The following PLA2G15 variants were observed in gnomAD, a reference collection of about 807,000 sequenced individuals.
PLA2G15 encodes the protein lysosomal phospholipase A and acyltransferase.
In PLA2G15, 20 loss-of-function variants were observed where a neutral mutation model predicts 40.9. The ratio of observed to expected loss-of-function variants is 0.49; its 90% CI spans 0.34 to 0.71. PLA2G15 has a LOEUF of 0.71. PLA2G15 is among the 30% of genes least tolerant of loss of function. The pLI is 0.01. For missense variants in PLA2G15, 471 were observed against 541.9 expected (o/e 0.87, Z 1.30); for synonymous variants, 223 against 228.2 (o/e 0.98, Z 0.21).
chr16:68,252,736 GGCAGGAGGATC>G, intron 2 of PLA2G15: 1 of 391,798 alleles, frequency 2.6e-6, no homozygotes. Context: ...GGGAGGCTAA[GGCAGGAGGATC>G]GCTTGAGCCC....
intron 2 of PLA2G15, among the ~76,000 whole-genome samples, chr16:68,249,781 C>T (rs996302851): frequency 3.3e-5 from 5 of 152,288 alleles, no homozygotes; most frequent in African/African-American, 4.8e-5. Flanking sequence ...CAGGTTCAAG[C>T]GATTCTTGTG....
At chr16:68,254,311 T>TTTTATTTATTTATTTA (rs148836384) in intron 2 of PLA2G15, 12 of 139,670 alleles carry the variant, frequency 8.6e-5, no homozygotes, top group South Asian at 4.7e-4. Flanking sequence ...TGCTTTTTAT[T>TTTTATTTATTTATTTA]TTTATTTATT....
chr16:68,254,314 TA>T (rs2042382306), intron 2 of PLA2G15: 7 of 124,730 alleles, frequency 5.6e-5, no homozygotes, highest in East Asian at 2.0e-4. Context: ...TTTTTATTTT[TA>T]TTTATTTATT....
chr16:68,251,031 G>A (rs192633139), intron 2 of PLA2G15, among the ~76,000 whole-genome samples: 1 of 152,040 alleles, frequency 6.6e-6, no homozygotes, highest in African/African-American at 2.4e-5. Context: ...CACAGGCACT[G>A]TACATTTTAT....
chr16:68,256,856 C>T (rs538175282), intron 5 of PLA2G15, among the ~76,000 whole-genome samples: 9 of 151,628 alleles, frequency 5.9e-5, no homozygotes, highest in Non-Finnish European at 1.0e-4. Context: ...CCACCTTCAC[C>T]GCAGAGGAGG....
intron 2 of PLA2G15, chr16:68,253,556 G>A (rs990496057): frequency 8.3e-6 from 3 of 360,668 alleles, no homozygotes; most frequent in South Asian, 4.1e-5. Context: ...TGTGTTTTTA[G>A]TAGAGATGGG....
At chr16:68,249,532 C>T (rs2042337072) in intron 2 of PLA2G15, 86 bp downstream of exon 2, 9 of 1,288,614 alleles carry the variant, frequency 7.0e-6, no homozygotes, top group South Asian at 2.5e-5. Context: ...ATCCTCATCT[C>T]GAGGTCACTG....
chr16:68,256,191 T>C, intron 5 of PLA2G15: 1 of 537,294 alleles, frequency 1.9e-6, no homozygotes, highest in South Asian at 2.5e-5. Context: ...AATAGGGACA[T>C]ACGAATAGAA....
rs2042433253 is a variant in PLA2G15 at position 68,259,980 on chromosome 16, C to T, written c.*323C>T. 3 of 392,306 alleles carry T rather than the reference C, an allele frequency of 7.6e-6. No homozygotes were observed. The highest frequency in any genetic ancestry group is 5.9e-5 in the South Asian group (2 of 33,902). The allele number at this position is 392,306 out of a possible 1,614,324, so 24.3% of individuals were successfully genotyped here. A position where few individuals can be genotyped will look rare whatever the true frequency, so the allele number is the denominator to read the frequency against. On this transcript the variant is annotated 3_prime_UTR_variant, in exon 6 of 6. Coordinates refer to ENST00000219345, the MANE Select transcript of PLA2G15 (RefSeq NM_012320.4). This position sits in a 1 kb window ranked among gnomAD's most constrained non-coding sequence, Gnocchi z 6.5. ...GTCCCTGCCTGGGGCCATGTGTCCC[C>T]CCTATTCCTGTGGGCTTTTCATACT...
chr16:68,245,923 T>C (rs1596940131), intron 1 of PLA2G15, among the ~76,000 whole-genome samples: 1 of 152,004 alleles, frequency 6.6e-6, no homozygotes, highest in Middle Eastern at 3.2e-3. Context: ...GGCTCCTGAG[T>C]TGACTTCTGC....
chr16:68,245,389 G>T lies in PLA2G15; in HGVS notation c.-38G>T. On this transcript the variant is annotated 5_prime_UTR_variant, in exon 1 of 6. Coordinates refer to ENST00000219345, the MANE Select transcript of PLA2G15 (RefSeq NM_012320.4). The stretch of plus-strand genomic sequence containing the variant: ...CGCCTAGGCGAGAGCCCAGAGAGCT[G>T]AACCTGCATCCCGGACCTGCGGCGA... The T allele has an allele frequency of 6.3e-7, 1 of 1,596,852 alleles. No homozygotes were observed.
At position 68,255,472 on chromosome 16, in the gene PLA2G15, C is replaced by A. The variant is rs1040817638; in HGVS notation, c.502+92C>A. The A allele has an allele frequency of 1.4e-5, 12 of 845,192 alleles. No homozygotes were observed. In the Middle Eastern group the frequency reaches 8.8e-4, roughly 62 times the overall value. The allele number at this position is 845,192 out of a possible 1,614,324, so 52.4% of individuals were successfully genotyped here. ...ACAGACCTTGGGCTCTCCCCTTGTC[C>A]TTGGCTGTCTCCTGTCCCTGGGCCT... On this transcript the variant is annotated intron_variant, in intron 4 of 5. Coordinates refer to ENST00000219345, the MANE Select transcript of PLA2G15 (RefSeq NM_012320.4). This position sits in a 1 kb window ranked among gnomAD's most constrained non-coding sequence, Gnocchi z 5.9.
Position 68,259,374 on chromosome 16 carries a change from A to T in PLA2G15, c.956A>T (p.Glu319Val), listed in dbSNP as rs1166772413. The T allele has an allele frequency of 3.7e-6, 6 of 1,614,016 alleles. No individual in the cohort carries two copies. Among genetic ancestry groups the T allele is most frequent in the Non-Finnish European group, 5.1e-6 (6 of 1,180,044 alleles). Residue 319 changes from glutamate (E) to valine (V), a missense_variant, in exon 6 of 6, where the codon GAA (glutamate) becomes GTA (valine). Physicochemically the swap from Glu to Val is moderately radical, Grantham distance 121 (BLOSUM62 -2). Coordinates refer to ENST00000219345, the MANE Select transcript of PLA2G15 (RefSeq NM_012320.4). The surrounding 1 kb of genome is among the most constrained non-coding windows in gnomAD (Gnocchi z 6.5). ...CGGCAGGACACAGAAGGGCTGGTGG[A>T]AGCCACGATGCCACCTGGCGTGCAG... Reference protein sequence around the residue: ...LMRQDTEGLVEATMPPGVQLH... With the variant: ...LMRQDTEGLVVATMPPGVQLH...
In PLA2G15 at chr16:68,259,558, C is replaced by A. The variant is rs1456269160; in HGVS notation, c.1140C>A (p.His380Gln). 6.2e-7 allele frequency: 1 copy of A among 1,613,482 alleles called. No homozygotes were observed. Among genetic ancestry groups the A allele is most frequent in the Admixed American group, 1.7e-5 (1 of 60,036 alleles). Reference protein sequence around the residue: ...QCQAWQSRQEHQVLLQELPGS... With the variant: ...QCQAWQSRQEQQVLLQELPGS... ...AGGCCTGGCAGAGCCGCCAGGAGCA[C>A]CAAGTGTTGCTGCAGGAGCTGCCAG... The change falls in exon 6 of 6, where the codon CAC (histidine) becomes CAA (glutamine). Residue 380 changes from histidine to glutamine, a missense_variant. Coordinates refer to ENST00000219345, the MANE Select transcript of PLA2G15 (RefSeq NM_012320.4). This position sits in a 1 kb window ranked among gnomAD's most constrained non-coding sequence, Gnocchi z 6.5.
At chr16:68,249,206 G>A in intron 1 of PLA2G15, 84 bp from the exon 2 acceptor site, 1 of 1,103,496 alleles carries the variant, frequency 9.1e-7, no homozygotes, top group Non-Finnish European at 1.3e-6. Context: ...TGGCTCTTCA[G>A]GGGGTCTGCT....
rs1341814190 is a variant in PLA2G15 at position 68,259,943 on chromosome 16, GC to G, written c.*289del. On this transcript the variant is annotated 3_prime_UTR_variant, in exon 6 of 6. Coordinates refer to ENST00000219345, the MANE Select transcript of PLA2G15 (RefSeq NM_012320.4). This position sits in a 1 kb window ranked among gnomAD's most constrained non-coding sequence, Gnocchi z 6.5. ...TGGCTCCACAGGGTGGACTGGCTGG[GC>G]CCTGGTCCCAGTCCCTGCCTGGGGC... 1 of 477,548 alleles carries G rather than the reference GC, an allele frequency of 2.1e-6. No homozygotes were observed. Among genetic ancestry groups the G allele is most frequent in the Non-Finnish European group, 3.8e-6 (1 of 264,152 alleles). The allele number at this position is 477,548 out of a possible 1,614,324, so 29.6% of individuals were successfully genotyped here.
At chr16:68,247,308 A>T (rs2151201171) in intron 1 of PLA2G15, among the ~76,000 whole-genome samples, 1 of 152,292 alleles carries the variant, frequency 6.6e-6, no homozygotes, top group East Asian at 1.9e-4. Context: ...GACCCTGGGC[A>T]AGGGGAAGGG....
rs756919214 is a variant in PLA2G15, at chr16:68,260,013, T to G, written c.*356T>G. 8 of 297,018 alleles carry G rather than the reference T, an allele frequency of 2.7e-5. No homozygotes were observed. Among genetic ancestry groups the G allele is most frequent in the Non-Finnish European group, 5.1e-5 (8 of 155,826 alleles). The allele number at this position is 297,018 out of a possible 1,614,324, so 18.4% of individuals were successfully genotyped here. On this transcript the variant is annotated 3_prime_UTR_variant, in exon 6 of 6. Coordinates refer to ENST00000219345, the MANE Select transcript of PLA2G15 (RefSeq NM_012320.4). ...CTGTGGGCTTTTCATACTTGCCTACTGGGCCCTGGCCCCGCAGCCTTCCTA... is the reference window on the plus strand; with the variant it reads ...CTGTGGGCTTTTCATACTTGCCTACGGGGCCCTGGCCCCGCAGCCTTCCTA...
At chr16:68,251,101 T>C (rs2042351589) in intron 2 of PLA2G15, among the ~76,000 whole-genome samples, 1 of 152,134 alleles carries the variant, frequency 6.6e-6, no homozygotes, top group African/African-American at 2.4e-5. Context: ...TGTTTTCTTT[T>C]TTTTTTTTTC....
Sources: allele counts gnomAD v4.1 joint callset (sites outside exome capture counted in the v4.1 genomes callset), GRCh38; gene constraint gnomAD v4.1.1; non-coding constraint Gnocchi (gnomAD v3.1); transcripts MANE v1.5; gene names NCBI Gene and HGNC (gene_info 2026-07-23, HGNC 2026-07-21).